TMEM117: variants seen among roughly 807,000 people sequenced by gnomAD.
TMEM117 encodes transmembrane protein 117.
TMEM117 carries 27 observed loss-of-function variants against 52.4 expected under a neutral mutation model. That is an observed-to-expected ratio of 0.51 (90% CI 0.38 to 0.71). The LOEUF is 0.71. Among genes scored for constraint, TMEM117 ranks in the 30% least tolerant of loss-of-function variants. TMEM117 has a pLI of 0.00. For synonymous variants in TMEM117, 215 were observed against 206.3 expected (o/e 1.04, Z -0.36); for missense variants, 556 against 630.5 (o/e 0.88, Z 1.26).
At chr12:44,154,278 A>T (rs1317699693) in intron 4 of TMEM117, among the ~76,000 whole-genome samples, 1 of 152,122 alleles carries the variant, frequency 6.6e-6, no homozygotes, top group Non-Finnish European at 1.5e-5. Flanking sequence ...TAAAGTCCAC[A>T]TCAACAGTTT....
intron 3 of TMEM117, among the ~76,000 whole-genome samples, chr12:44,034,083 T>C (rs1484009068): frequency 6.6e-6 from 1 of 152,212 alleles, no homozygotes; most frequent in Non-Finnish European, 1.5e-5. Flanking sequence ...TATACATTTC[T>C]AAGTCCCTCA....
chr12:43,875,222 T>A (rs1592325143), intron 2 of TMEM117, among the ~76,000 whole-genome samples: 1 of 15,980 alleles, frequency 6.3e-5, no homozygotes, highest in Non-Finnish European at 5.2e-4. Flanking sequence ...GGTGGGGAAG[T>A]GTGTGTGTGT....
At chr12:44,172,266 A>T (rs1259292799) in intron 4 of TMEM117, among the ~76,000 whole-genome samples, 1 of 152,224 alleles carries the variant, frequency 6.6e-6, no homozygotes. Flanking sequence ...GTTCTCTCCC[A>T]GTTCTGAGGC....
At chr12:43,802,748 T>C in the TMEM117 span, among the ~76,000 whole-genome samples, 94 of 152,338 alleles carry the variant, frequency 6.2e-4, 1 homozygote, top group Middle Eastern at 6.8e-3. Context: ...TCAAATAATG[T>C]AATGACCTAT....
Position 44,042,801 on chromosome 12 carries a change from CACACACA to C in TMEM117, c.410+98460_410+98466del, listed in dbSNP as rs1565804562. On this transcript the variant is annotated intron_variant, in intron 3 of 7. Transcript: ENST00000266534. ...ACACACACACACACACACACACACA[CACACACA>C]CTTATTAGTTCTGCCCCTCTAGGGA... Among the ~76,000 whole-genome samples the C allele has an allele frequency of 1.1e-3, 161 of 143,492 alleles. 1 individual carries two copies. The highest frequency in any genetic ancestry group is 8.9e-3 in the Admixed American group (131 of 14,676). The allele number at this position is 143,492 out of a possible 152,430, so 94.1% of individuals were successfully genotyped here. A position where few individuals can be genotyped will look rare whatever the true frequency, so the allele number is the denominator to read the frequency against.
intron 3 of TMEM117, among the ~76,000 whole-genome samples, chr12:44,007,987 A>T (rs1267210002): frequency 2.6e-5 from 4 of 152,102 alleles, no homozygotes; most frequent in Non-Finnish European, 5.9e-5. Context: ...ATGGACTAAT[A>T]GAGTTGTAGC....
intron 6 of TMEM117, among the ~76,000 whole-genome samples, chr12:44,351,845 T>A (rs1251625182): frequency 6.6e-6 from 1 of 151,970 alleles, no homozygotes. Flanking sequence ...TTTTGACAAC[T>A]CTTCCTGAGT....
intron 6 of TMEM117, among the ~76,000 whole-genome samples, chr12:44,343,578 G>A (rs1457074678): frequency 1.3e-5 from 2 of 152,026 alleles, no homozygotes; most frequent in African/African-American, 2.4e-5. Flanking sequence ...GGGACATGGG[G>A]ACTTGTTTAA....
upstream of TMEM117, among the ~76,000 whole-genome samples, chr12:43,832,117 A>C (rs549590541): frequency 4.3e-4 from 65 of 152,256 alleles, no homozygotes; most frequent in African/African-American, 1.5e-3. Flanking sequence ...TTTATGCCCT[A>C]CTATCTTGGT....
At chr12:44,322,055 A>G (rs1334860715) in intron 6 of TMEM117, among the ~76,000 whole-genome samples, 1 of 152,192 alleles carries the variant, frequency 6.6e-6, no homozygotes, top group African/African-American at 2.4e-5. Context: ...TGACCTGGGT[A>G]GGGATGGGAG....
intron 5 of TMEM117, among the ~76,000 whole-genome samples, chr12:44,236,996 T>A (rs1191818004): frequency 6.6e-6 from 1 of 152,068 alleles, no homozygotes; most frequent in Non-Finnish European, 1.5e-5. Flanking sequence ...CATGAGCGGT[T>A]CAAGGTTGCT....
intron 6 of TMEM117, among the ~76,000 whole-genome samples, chr12:44,330,062 T>C (rs1021129258): frequency 6.6e-6 from 1 of 151,952 alleles, no homozygotes; most frequent in African/African-American, 2.4e-5. Flanking sequence ...ATCTGGTAAT[T>C]CTATTTTTAA....
chr12:44,222,405 A>G (rs1351272466), intron 5 of TMEM117, among the ~76,000 whole-genome samples: 3 of 152,170 alleles, frequency 2.0e-5, no homozygotes, highest in Admixed American at 2.0e-4. Context: ...GTGCCTACCT[A>G]TATCCATTTA....
At chr12:43,847,323 C>T (rs79425253) in intron 2 of TMEM117, among the ~76,000 whole-genome samples, 5,709 of 152,152 alleles carry the variant, frequency 0.038, 271 homozygotes, top group African/African-American at 0.1. Context: ...AAGATTGGTA[C>T]TATATTAGGT....
At chr12:44,349,352 C>T (rs1951532543) in intron 6 of TMEM117, among the ~76,000 whole-genome samples, 1 of 151,966 alleles carries the variant, frequency 6.6e-6, no homozygotes, top group Admixed American at 6.6e-5. Flanking sequence ...ATAATAACCA[C>T]ATGTTGAAAG....
At chr12:43,845,695 C>T (rs1349513680) in intron 2 of TMEM117, among the ~76,000 whole-genome samples, 1 of 151,448 alleles carries the variant, frequency 6.6e-6, no homozygotes, top group African/African-American at 2.4e-5. Flanking sequence ...CTCCCCCCTC[C>T]CCCAACCCCA....
At chr12:43,973,797 T>G (rs933274169) in intron 3 of TMEM117, among the ~76,000 whole-genome samples, 2 of 152,218 alleles carry the variant, frequency 1.3e-5, no homozygotes, top group African/African-American at 4.8e-5. Flanking sequence ...TTTAGAAGTC[T>G]ACTGTCAAGG....
intron 6 of TMEM117, among the ~76,000 whole-genome samples, chr12:44,319,736 G>A (rs1951106247): frequency 6.6e-6 from 1 of 152,154 alleles, no homozygotes; most frequent in African/African-American, 2.4e-5. Context: ...TCTGGTGGCT[G>A]CATTCACTTT....
chr12:44,276,597 A>C (rs79820931), intron 5 of TMEM117, among the ~76,000 whole-genome samples: 1 of 152,118 alleles, frequency 6.6e-6, no homozygotes, highest in Admixed American at 6.5e-5. Context: ...TAATAACACT[A>C]TGTTGTATAC....
Sources: allele counts gnomAD v4.1 joint callset (sites outside exome capture counted in the v4.1 genomes callset), GRCh38; gene constraint gnomAD v4.1.1; transcripts MANE v1.5; gene names NCBI Gene and HGNC (gene_info 2026-07-23, HGNC 2026-07-21).